SPAG11A: variants seen among roughly 807,000 people sequenced by gnomAD.
The protein encoded by SPAG11A is sperm associated antigen 11A.
SPAG11A carries 2 observed loss-of-function variants against 5.5 expected under a neutral mutation model. The observed-to-expected ratio is 0.37, with a 90% confidence interval of 0.15 to 1.15. The LOEUF (loss-of-function observed/expected upper bound fraction) is 1.15. SPAG11A is among the 50% of genes most tolerant of loss of function. The pLI is 0.38. For synonymous variants in SPAG11A, 11 were observed against 42.7 expected (o/e 0.26, Z 2.90); for missense variants, 24 against 122.5 (o/e 0.20, Z 3.80).
chr8:7,862,755 A>G (rs1818254654), downstream of SPAG11A, among the ~76,000 whole-genome samples: 1 of 126,274 alleles, frequency 7.9e-6, no homozygotes. Flanking sequence ...AAGGGAAGGG[A>G]AGGGGAGGAG....
chr8:7,860,100 T>G lies in SPAG11A; in HGVS notation c.215-546T>G, dbSNP rs572544414. Among the ~76,000 whole-genome samples the G allele has an allele frequency of 5.5e-4, 82 of 149,898 alleles. 2 individuals carry two copies. The highest frequency in any genetic ancestry group is 2.0e-3 in the African/African-American group (80 of 40,850). On this transcript the variant is annotated intron_variant, in intron 2 of 2. Transcript: ENST00000642566. ...TTGCAGATCTGACATAAGTAAGATCTTTCTTTCAACCATCTCTTGCCCAAT... is the reference window on the plus strand; with the variant it reads ...TTGCAGATCTGACATAAGTAAGATCGTTCTTTCAACCATCTCTTGCCCAAT...
chr8:7,860,712 T>C, exon 3 of SPAG11A: 3 of 1,512,608 alleles, frequency 2.0e-6, no homozygotes, highest in Non-Finnish European at 8.9e-7. Context: ...AGACTTTTTT[T>C]CTGCCATTCT....
intron 2 of SPAG11A, among the ~76,000 whole-genome samples, chr8:7,852,463 A>G (rs1399044057): frequency 6.6e-6 from 1 of 152,230 alleles, no homozygotes; most frequent in Admixed American, 6.5e-5. Context: ...CTTCCTAAGT[A>G]GCTGGGATTA....
chr8:7,856,969 G>A (rs1818053699), intron 2 of SPAG11A, among the ~76,000 whole-genome samples: 1 of 147,922 alleles, frequency 6.8e-6, no homozygotes, highest in Non-Finnish European at 1.5e-5. Flanking sequence ...CAAGTCTGGA[G>A]GAGAAGGTAC....
At chr8:7,852,854 CTA>C (rs1435611078) in intron 2 of SPAG11A, among the ~76,000 whole-genome samples, 4 of 51,934 alleles carry the variant, frequency 7.7e-5, no homozygotes, top group East Asian at 6.8e-4. Flanking sequence ...TAGAGCCCTT[CTA>C]TTTTTTTTTT....
At chr8:7,852,612 C>T (rs1456014868) in intron 2 of SPAG11A, among the ~76,000 whole-genome samples, 56 of 152,226 alleles carry the variant, frequency 3.7e-4, no homozygotes, top group African/African-American at 7.2e-4. Flanking sequence ...GAATTACAGG[C>T]GTGAGCCACC....
At chr8:7,863,702 G>C, downstream of SPAG11A, 2 of 1,291,546 alleles carry the variant, frequency 1.5e-6, no homozygotes, top group Non-Finnish European at 1.1e-6. Context: ...CCTCTCGGCT[G>C]TGCTCCGTGG....
chr8:7,859,961 TTTGGAGG>T (rs1818142017), intron 2 of SPAG11A, among the ~76,000 whole-genome samples: 1 of 148,744 alleles, frequency 6.7e-6, no homozygotes, highest in Admixed American at 6.8e-5. Context: ...TTAGACCCCG[TTTGGAGG>T]TTGGATGTTG....
chr8:7,861,964 GCA>G (rs1818231700), downstream of SPAG11A, among the ~76,000 whole-genome samples: 1 of 98,272 alleles, frequency 1.0e-5, no homozygotes, highest in Non-Finnish European at 2.2e-5. Flanking sequence ...CTCTGGAAGT[GCA>G]CAGAGTAAGT....
downstream of SPAG11A, among the ~76,000 whole-genome samples, chr8:7,862,737 C>CGGAAGGGAAG (rs1190649883): frequency 8.3e-6 from 1 of 119,946 alleles, no homozygotes; most frequent in Non-Finnish European, 1.9e-5. Flanking sequence ...GAAGCAAACA[C>CGGAAGGGAAG]GGAAGGGAAG....
At chr8:7,860,922 G>C in exon 3 of SPAG11A, 12 of 982,966 alleles carry the variant, frequency 1.2e-5, no homozygotes, top group Non-Finnish European at 1.6e-5. Context: ...ATAAATATTT[G>C]TTGAATGAAT....
chr8:7,860,394 G>T lies in SPAG11A; in HGVS notation c.215-252G>T. 1.4e-6 allele frequency: 2 copies of T among 1,429,218 alleles called. 1 individual carries two copies. Among genetic ancestry groups the T allele is most frequent in the South Asian group, 2.7e-5 (2 of 74,020 alleles). 88.5% of individuals were successfully genotyped at this position (1,429,218 alleles called of 1,614,324 possible). A position where few individuals can be genotyped will look rare whatever the true frequency, so the allele number is the denominator to read the frequency against. ...TCGAGGACCCTCATTTAAGATCTGC[G>T]TGGGCTTTTTAGGGCCTAGATGGGC... On this transcript the variant is annotated intron_variant, in intron 2 of 2. Transcript: ENST00000642566.
In SPAG11A at chr8:7,852,657, T is replaced by C. The variant is rs568899473; in HGVS notation, c.214+3814T>C. ...CAGGTTACCGCTTTATTCTTATCCA[T>C]GTACATGTGCTCCTTTTATATCTAA... is the stretch of plus-strand genomic sequence containing the variant. On this transcript the variant is annotated intron_variant, in intron 2 of 2. Coordinates refer to ENST00000642566, the Ensembl canonical transcript of SPAG11A. Among the ~76,000 whole-genome samples the C allele has an allele frequency of 1.6e-4, 24 of 151,898 alleles. No individual in the cohort carries two copies. In the South Asian group the frequency reaches 4.4e-3, roughly 28 times the overall value.
At position 7,858,053 on chromosome 8, in the gene SPAG11A, T is replaced by C. The variant is rs1322208233; in HGVS notation, c.215-2593T>C. 2.9e-5 allele frequency among the ~76,000 whole-genome samples: 3 copies of C among 105,096 alleles called. No individual in the cohort carries two copies. In the East Asian group the frequency reaches 1.1e-3, roughly 38 times the overall value. The allele number at this position is 105,096 out of a possible 152,430, so 68.9% of individuals were successfully genotyped here. A position where few individuals can be genotyped will look rare whatever the true frequency, so the allele number is the denominator to read the frequency against. On this transcript the variant is annotated intron_variant, in intron 2 of 2. Transcript: ENST00000642566. ...ATGATATCTAGAGTCTGCTATTGCT[T>C]ACATAAAAATGGGGTATGGATTCAT...
intron 2 of SPAG11A, among the ~76,000 whole-genome samples, chr8:7,852,633 A>G (rs2128927072): frequency 6.6e-6 from 1 of 152,178 alleles, no homozygotes; most frequent in Non-Finnish European, 1.5e-5. Flanking sequence ...GCGCCCGGCC[A>G]GGTTACCGCT....
chr8:7,852,756 T>C (rs1410907427), intron 2 of SPAG11A, among the ~76,000 whole-genome samples: 1 of 146,230 alleles, frequency 6.8e-6, no homozygotes, highest in African/African-American at 2.5e-5. Flanking sequence ...CCAGTTATCC[T>C]TGAAATATCC....
chr8:7,852,854 CTATT>C (rs1173951416), intron 2 of SPAG11A, among the ~76,000 whole-genome samples: 41 of 51,944 alleles, frequency 7.9e-4, no homozygotes, highest in African/African-American at 1.7e-3. Flanking sequence ...TAGAGCCCTT[CTATT>C]TTTTTTTTTT....
intron 2 of SPAG11A, 118 bp from the exon 3 acceptor site, chr8:7,860,528 C>A (rs1585711865): frequency 7.4e-7 from 1 of 1,351,492 alleles, no homozygotes; most frequent in East Asian, 3.5e-5. Context: ...TAAACTGGGG[C>A]TTGTCCAAAA....
intron 2 of SPAG11A, among the ~76,000 whole-genome samples, chr8:7,852,446 C>G (rs1468678061): frequency 3.9e-5 from 6 of 152,168 alleles, no homozygotes; most frequent in Admixed American, 6.6e-5. Flanking sequence ...AATTCTCCTG[C>G]CTCAGCCTTC....
Sources: gnomAD v4.1 joint callset for allele counts (sites outside exome capture counted in the v4.1 genomes callset) on GRCh38, gnomAD v4.1.1 for gene constraint, MANE v1.5 for transcripts, NCBI Gene and HGNC (gene_info 2026-07-23, HGNC 2026-07-21) for gene names.